The following ATP9A variants were observed in gnomAD, a reference collection of about 807,000 sequenced individuals.
The protein encoded by ATP9A is probable phospholipid-transporting ATPase IIA.
In ATP9A, 52 loss-of-function variants were observed where a neutral mutation model predicts 144.1. That is an observed-to-expected ratio of 0.36 (90% CI 0.29 to 0.45). The LOEUF (loss-of-function observed/expected upper bound fraction) is 0.45, where lower values mean the gene tolerates loss of function less well. Ranked by LOEUF, ATP9A falls within the 20% of genes least tolerant of loss-of-function variation. The pLI is 1.00. For synonymous variants in ATP9A, 582 were observed against 557.4 expected (o/e 1.04, Z -0.62); for missense variants, 947 against 1,392.7 (o/e 0.68, Z 5.09).
At chr20:51,690,109 C>CAAAAAAAAA (rs796336088) in intron 8 of ATP9A, among the ~76,000 whole-genome samples, 2 of 59,910 alleles carry the variant, frequency 3.3e-5, no homozygotes, top group Non-Finnish European at 5.8e-5. Flanking sequence ...GAGACCGTCT[C>CAAAAAAAAA]AAAAAAAAAA....
intron 4 of ATP9A, among the ~76,000 whole-genome samples, chr20:51,703,005 T>C (rs1419078863): frequency 6.6e-6 from 1 of 152,204 alleles, no homozygotes; most frequent in Non-Finnish European, 1.5e-5. Flanking sequence ...GTTGTTGTTT[T>C]GTTTTGGTCT....
At chr20:51,610,913 G>A (rs992257486) in intron 23 of ATP9A, among the ~76,000 whole-genome samples, 5 of 152,092 alleles carry the variant, frequency 3.3e-5, no homozygotes, top group African/African-American at 4.8e-5. Context: ...ACAAACCCTC[G>A]CGGAAATGTC....
chr20:51,604,189 T>C (rs1313388732), intron 27 of ATP9A, among the ~76,000 whole-genome samples: 1 of 151,640 alleles, frequency 6.6e-6, no homozygotes, highest in Non-Finnish European at 1.5e-5. Context: ...ACTCACTTAA[T>C]GTGTGTTTAT....
At chr20:51,686,148 T>C (rs2077521900) in intron 9 of ATP9A, among the ~76,000 whole-genome samples, 1 of 152,008 alleles carries the variant, frequency 6.6e-6, no homozygotes, top group Admixed American at 6.6e-5. Flanking sequence ...TTCTCACTCA[T>C]AGGTGGGAAA....
chr20:51,646,797 A>T (rs1216023429), intron 14 of ATP9A, among the ~76,000 whole-genome samples: 1 of 152,152 alleles, frequency 6.6e-6, no homozygotes, highest in Non-Finnish European at 1.5e-5. Context: ...GCCTGCTAGG[A>T]ATCAGCGGAA....
chr20:51,700,636 G>C (rs572618958), intron 4 of ATP9A, among the ~76,000 whole-genome samples: 1 of 152,184 alleles, frequency 6.6e-6, no homozygotes, highest in Non-Finnish European at 1.5e-5. Flanking sequence ...TTTGAGACCA[G>C]CCTGACCAAC....
At chr20:51,750,928 G>A (rs1261313720) in intron 1 of ATP9A, among the ~76,000 whole-genome samples, 1 of 152,160 alleles carries the variant, frequency 6.6e-6, no homozygotes, top group African/African-American at 2.4e-5. Flanking sequence ...AGCCTGCTAT[G>A]GCAGCTGGCA....
At chr20:51,644,876 T>G (rs2077335925) in intron 14 of ATP9A, among the ~76,000 whole-genome samples, 1 of 152,186 alleles carries the variant, frequency 6.6e-6, no homozygotes, top group Non-Finnish European at 1.5e-5. Flanking sequence ...TCTGTGATAC[T>G]GGGCTTCCAG....
At chr20:51,745,106 G>A (rs1036886698) in intron 1 of ATP9A, among the ~76,000 whole-genome samples, 3 of 151,964 alleles carry the variant, frequency 2.0e-5, no homozygotes, top group African/African-American at 2.4e-5. Flanking sequence ...AAACCCTGCC[G>A]TCTCTACTAA....
chr20:51,748,133 G>C (rs1430726188), intron 1 of ATP9A, among the ~76,000 whole-genome samples: 1 of 152,048 alleles, frequency 6.6e-6, no homozygotes, highest in Non-Finnish European at 1.5e-5. Context: ...AACCTACAGG[G>C]GCCCAGCAAG....
chr20:51,613,631 G>C, intron 23 of ATP9A, 46 bp downstream of exon 23: 1 of 1,563,840 alleles, frequency 6.4e-7, no homozygotes, highest in Non-Finnish European at 8.7e-7. Flanking sequence ...CCACCTACAT[G>C]GTATAGCCAC....
intron 15 of ATP9A, among the ~76,000 whole-genome samples, chr20:51,632,412 C>T (rs960904586): frequency 1.3e-5 from 2 of 152,192 alleles, no homozygotes; most frequent in African/African-American, 4.8e-5. Context: ...AACTTCCTCA[C>T]ATCAGATAAC....
At chr20:51,684,838 G>A (rs2077515629) in intron 9 of ATP9A, among the ~76,000 whole-genome samples, 4 of 150,296 alleles carry the variant, frequency 2.7e-5, no homozygotes, top group East Asian at 4.0e-4. Context: ...GTGAAACCCC[G>A]TCTCTACTAA....
intron 22 of ATP9A, among the ~76,000 whole-genome samples, chr20:51,615,359 G>GT (rs1248905979): frequency 1.3e-5 from 2 of 152,158 alleles, no homozygotes; most frequent in Non-Finnish European, 2.9e-5. Flanking sequence ...TAGAGTCAGA[G>GT]TAAGAAGTGA....
intron 13 of ATP9A, 115 bp downstream of exon 13, chr20:51,669,882 T>C (rs1248776584): frequency 1.3e-6 from 1 of 744,266 alleles, no homozygotes; most frequent in Admixed American, 2.6e-5. Context: ...AAAAAAACAA[T>C]GAATTGTACT....
At chr20:51,607,347 G>A (rs2077167458) in intron 26 of ATP9A, among the ~76,000 whole-genome samples, 180 bp downstream of exon 26, 1 of 152,208 alleles carries the variant, frequency 6.6e-6, no homozygotes, top group Non-Finnish European at 1.5e-5. Context: ...CAGCAGCACT[G>A]TGCATGTCTG....
intron 19 of ATP9A, among the ~76,000 whole-genome samples, chr20:51,621,128 T>G (rs990020227): frequency 2.3e-5 from 3 of 128,058 alleles, no homozygotes; most frequent in African/African-American, 9.0e-5. Flanking sequence ...GCCTGGGTGA[T>G]AAGAGCAAGG....
chr20:51,682,577 C>CTTGTTTTTTTTTTTTT, intron 9 of ATP9A, among the ~76,000 whole-genome samples: 1 of 35,076 alleles, frequency 2.9e-5, no homozygotes, highest in Non-Finnish European at 5.3e-5. Flanking sequence ...TTCACTGTAT[C>CTTGTTTTTTTTTTTTT]TTTTTTTTTT....
chr20:51,629,251 TA>T (rs2077261603), intron 15 of ATP9A, among the ~76,000 whole-genome samples, 179 bp from the exon 16 acceptor site: 1 of 152,100 alleles, frequency 6.6e-6, no homozygotes, highest in Non-Finnish European at 1.5e-5. Flanking sequence ...CTACAGAAAG[TA>T]AAAGGAAAAC....
Sources: gnomAD v4.1 joint callset for allele counts (sites outside exome capture counted in the v4.1 genomes callset) on GRCh38, gnomAD v4.1.1 for gene constraint, MANE v1.5 for transcripts, NCBI Gene and HGNC (gene_info 2026-07-23, HGNC 2026-07-21) for gene names.